The following ZSCAN9 variants were observed in gnomAD, a reference collection of about 807,000 sequenced individuals.
ZSCAN9 encodes zinc finger and SCAN domain-containing protein 9.
A neutral mutation model predicts 23.0 loss-of-function variants in ZSCAN9; 19 were observed. The ratio of observed to expected loss-of-function variants is 0.83; its 90% CI spans 0.58 to 1.21. ZSCAN9 has a LOEUF of 1.21. ZSCAN9 is among the 50% of genes most tolerant of loss of function. ZSCAN9 has a pLI of 0.00. For missense variants in ZSCAN9, 467 were observed against 471.5 expected, an observed-to-expected ratio of 0.99 and a Z score of 0.09; for synonymous variants, 155 against 164.8, an observed-to-expected ratio of 0.94 and a Z score of 0.46.
At chr6:28,226,871 A>T in intron 1 of ZSCAN9, 141 bp from the exon 2 acceptor site, 1 of 468,616 alleles carries the variant, frequency 2.1e-6, no homozygotes, top group South Asian at 3.8e-5. Context: ...GAATATATAT[A>T]TTTCCATTAT....
chr6:28,230,333 C>T, intron 3 of ZSCAN9: 1 of 1,526,842 alleles, frequency 6.5e-7, no homozygotes, highest in Non-Finnish European at 8.8e-7. Flanking sequence ...TTATGGATTT[C>T]AGATTTAATA....
intron 3 of ZSCAN9, among the ~76,000 whole-genome samples, chr6:28,231,115 C>A (rs1301271160): frequency 6.6e-6 from 1 of 152,004 alleles, no homozygotes; most frequent in African/African-American, 2.4e-5. Context: ...CCTATACATA[C>A]CTAAGATAAA....
intron 1 of ZSCAN9, among the ~76,000 whole-genome samples, chr6:28,226,107 T>G (rs1342928537): frequency 6.6e-6 from 1 of 152,110 alleles, no homozygotes; most frequent in Non-Finnish European, 1.5e-5. Context: ...TACTTAACTT[T>G]CCCTGGCTTC....
chr6:28,227,319 C>A lies in ZSCAN9; in HGVS notation c.235C>A (p.Gln79Lys). The stretch of plus-strand genomic sequence containing the variant: ...TACTCGACTCCAGGAACTTTGCTAC[C>A]AGTGGTTGAGGCCACATGTGAGCAC... ...ALTRLQELCYQWLRPHVSTKE... is the reference protein window; with the variant it reads ...ALTRLQELCYKWLRPHVSTKE... Residue 79 changes from glutamine to lysine, a missense_variant, in exon 2 of 4, where the codon CAG (glutamine) becomes AAG (lysine). Coordinates refer to ENST00000252207, the MANE Select transcript of ZSCAN9 (RefSeq NM_006299.5). 1 of 1,614,226 alleles carries A rather than the reference C, an allele frequency of 6.2e-7. No homozygotes were observed. Among genetic ancestry groups the A allele is most frequent in the Non-Finnish European group, 8.5e-7 (1 of 1,180,052 alleles).
At position 28,233,300 on chromosome 6, in the gene ZSCAN9, G is replaced by C; in HGVS notation, c.*122G>C. On this transcript the variant is annotated 3_prime_UTR_variant, in exon 4 of 4. Coordinates refer to ENST00000252207, the MANE Select transcript of ZSCAN9 (RefSeq NM_006299.5). ...TGTTTGAAACAAATCCTGACTTAAGGCCCAGGGACTTCCTTAAAGGAAAGT... is the reference window on the plus strand; with the variant it reads ...TGTTTGAAACAAATCCTGACTTAAGCCCCAGGGACTTCCTTAAAGGAAAGT... 1 of 1,484,110 alleles carries C rather than the reference G, an allele frequency of 6.7e-7. No individual in the cohort carries two copies. The highest frequency in any genetic ancestry group is 8.9e-7 in the Non-Finnish European group (1 of 1,122,834). The allele number at this position is 1,484,110 out of a possible 1,614,324, so 91.9% of individuals were successfully genotyped here.
At chr6:28,227,920 A>G (rs1336945530) in intron 3 of ZSCAN9, 83 bp downstream of exon 3, 1 of 1,520,734 alleles carries the variant, frequency 6.6e-7, no homozygotes, top group Non-Finnish European at 9.0e-7. Flanking sequence ...CTGGGAAAAC[A>G]GGAGACCCAA....
intron 3 of ZSCAN9, chr6:28,230,263 A>G (rs1009042969): frequency 7.5e-7 from 1 of 1,331,748 alleles, no homozygotes; most frequent in Non-Finnish European, 1.0e-6. Context: ...TGAAAGTTGT[A>G]TAAATGGTAA....
chr6:28,225,459 TG>T (rs1760090944), intron 1 of ZSCAN9, 93 bp downstream of exon 1: 1 of 152,390 alleles, frequency 6.6e-6, no homozygotes, highest in African/African-American at 2.4e-5. Flanking sequence ...CGCTGGGAAG[TG>T]GGAGCCGGAG....
chr6:28,230,612 C>G, intron 3 of ZSCAN9: 1 of 793,388 alleles, frequency 1.3e-6, no homozygotes, highest in East Asian at 2.7e-5. Flanking sequence ...AAAGTGAAAT[C>G]AGACTATGTG....
At chr6:28,232,441 C>T in intron 3 of ZSCAN9, 121 bp from the exon 4 acceptor site, 1 of 1,459,928 alleles carries the variant, frequency 6.8e-7, no homozygotes, top group East Asian at 2.5e-5. Context: ...AAAGTGTTAC[C>T]ACACTAGCCC....
In ZSCAN9 at chr6:28,232,703, A is replaced by G. The variant is rs767796050; in HGVS notation, c.710A>G (p.His237Arg). The change falls in exon 4 of 4, where the codon CAT (histidine) becomes CGT (arginine). Residue 237 changes from histidine (H) to arginine (R), a missense_variant. Physicochemically the swap from His to Arg is conservative, Grantham distance 29 (BLOSUM62 0). Transcript: ENST00000252207. ...QDPSHGEVGE[H>R]KDRIERQWGN... is the part of the protein sequence containing the mutation. ...CCCTCACATGGAGAAGTTGGTGAAC[A>G]TAAGGATAGGATAGAGAGGCAGTGG... 1.9e-6 allele frequency: 3 copies of G among 1,614,226 alleles called. No homozygotes were observed. Among genetic ancestry groups the G allele is most frequent in the Non-Finnish European group, 2.5e-6 (3 of 1,180,040 alleles).
At chr6:28,226,173 G>A (rs1760111492) in intron 1 of ZSCAN9, among the ~76,000 whole-genome samples, 1 of 152,194 alleles carries the variant, frequency 6.6e-6, no homozygotes, top group Non-Finnish European at 1.5e-5. Context: ...GTAATTGTGA[G>A]GATGAAATAT....
chr6:28,233,256 T>C lies in ZSCAN9; in HGVS notation c.*78T>C. 6.5e-7 allele frequency: 1 copy of C among 1,529,100 alleles called. No homozygotes were observed. Among genetic ancestry groups the C allele is most frequent in the South Asian group, 1.3e-5 (1 of 76,826 alleles). The allele number at this position is 1,529,100 out of a possible 1,614,324, so 94.7% of individuals were successfully genotyped here. ...GTTGAGACTAGAAAATGCCTCTTTCTTCCTTTCTCCATGAAATGTGTTTGA... is the reference window on the plus strand; with the variant it reads ...GTTGAGACTAGAAAATGCCTCTTTCCTCCTTTCTCCATGAAATGTGTTTGA... On this transcript the variant is annotated 3_prime_UTR_variant, in exon 4 of 4. Transcript: ENST00000252207.
intron 3 of ZSCAN9, among the ~76,000 whole-genome samples, chr6:28,229,775 C>CT (rs1328931055): frequency 6.6e-6 from 1 of 152,052 alleles, no homozygotes; most frequent in Non-Finnish European, 1.5e-5. Context: ...CTAGAGGTAG[C>CT]TACTCTTGTC....
At chr6:28,226,486 CG>C (rs781629789) in intron 1 of ZSCAN9, among the ~76,000 whole-genome samples, 1 of 152,182 alleles carries the variant, frequency 6.6e-6, no homozygotes, top group Non-Finnish European at 1.5e-5. Context: ...TCTGAGTGAT[CG>C]GTGCAGTCCC....
intron 3 of ZSCAN9, among the ~76,000 whole-genome samples, chr6:28,232,291 A>G (rs547011461): frequency 1.1e-4 from 17 of 151,136 alleles, no homozygotes; most frequent in African/African-American, 4.1e-4. Context: ...AGATCACACC[A>G]TTGCACTCCA....
In ZSCAN9 at chr6:28,227,258, G is replaced by A. The variant is rs1209396914; in HGVS notation, c.174G>A (p.Leu58=). 1 of 1,614,224 alleles carries A rather than the reference G, an allele frequency of 6.2e-7. No individual in the cohort carries two copies. The highest frequency in any genetic ancestry group is 8.5e-7 in the Non-Finnish European group (1 of 1,180,038). ...TCTTCCGAAGGCACTTTCGACAGCT[G>A]TGCTACCAAGAGACCCCTGGACCAA... ...REIFRRHFRQ[L]CYQETPGPRE... Residue 58 remains leucine, a synonymous_variant, in exon 2 of 4, where the codon CTG becomes CTA. Transcript: ENST00000252207.
chr6:28,228,153 G>A (rs1292854088), intron 3 of ZSCAN9: 6 of 652,652 alleles, frequency 9.2e-6, no homozygotes, highest in East Asian at 5.4e-5. Flanking sequence ...TCCTGGCATC[G>A]CCTCATGGAA....
chr6:28,228,162 A>G (rs2113650290), intron 3 of ZSCAN9: 1 of 648,104 alleles, frequency 1.5e-6, no homozygotes, highest in Admixed American at 2.8e-5. Flanking sequence ...CGCCTCATGG[A>G]AGCTGCTTGT....
Sources: gnomAD v4.1 joint callset for allele counts (sites outside exome capture counted in the v4.1 genomes callset) on GRCh38, gnomAD v4.1.1 for gene constraint, MANE v1.5 for transcripts, NCBI Gene and HGNC (gene_info 2026-07-23, HGNC 2026-07-21) for gene names.